ARL15: variants seen among roughly 807,000 people sequenced by gnomAD.
ARL15 encodes ARF like GTPase 15.
ARL15 carries 19 observed loss-of-function variants against 25.2 expected under a neutral mutation model. That is an observed-to-expected ratio of 0.75 (90% CI 0.53 to 1.10). The LOEUF is 1.10. ARL15 is among the 50% of genes least tolerant of loss of function. The pLI, the probability that ARL15 is intolerant of heterozygous loss-of-function variation, is 0.00. For synonymous variants in ARL15, 94 were observed against 86.8 expected (o/e 1.08, Z -0.46); for missense variants, 220 against 246.0 (o/e 0.89, Z 0.71).
In ARL15 at chr5:54,287,758, A is replaced by G. The variant is rs537566090; in HGVS notation, c.48+22674T>C. The stretch of plus-strand genomic sequence containing the variant: ...CAGGGACTTAGCATGGTCACATCAT[A>G]GAGTCTGTTTTGCCTCCCCACCCTT... On this transcript the variant is annotated intron_variant, in intron 1 of 4. Transcript: ENST00000504924. 2.0e-5 allele frequency among the ~76,000 whole-genome samples: 3 copies of G among 152,300 alleles called. No individual in the cohort carries two copies. The South Asian group carries it at 6.2e-4, about 32-fold the overall frequency.
chr5:54,130,178 C>G (rs560079594), intron 3 of ARL15, among the ~76,000 whole-genome samples: 72 of 152,260 alleles, frequency 4.7e-4, no homozygotes, highest in African/African-American at 1.5e-3. Context: ...ATGGAGGATG[C>G]AGCGAGCCAT....
intron 1 of ARL15, among the ~76,000 whole-genome samples, chr5:54,184,743 A>G (rs1732193819): frequency 6.6e-6 from 1 of 152,106 alleles, no homozygotes; most frequent in South Asian, 2.1e-4. Flanking sequence ...TCAGTCCCAT[A>G]TATTCTACTA....
At chr5:53,914,543 T>C (rs930360323) in intron 4 of ARL15, among the ~76,000 whole-genome samples, 5 of 152,130 alleles carry the variant, frequency 3.3e-5, no homozygotes, top group African/African-American at 9.6e-5. Context: ...TACATAAATA[T>C]TCGTCCATTC....
At chr5:53,930,766 A>G (rs1230228888) in intron 4 of ARL15, among the ~76,000 whole-genome samples, 1 of 152,144 alleles carries the variant, frequency 6.6e-6, no homozygotes, top group Non-Finnish European at 1.5e-5. Flanking sequence ...TGTTAATTCA[A>G]GTGGTTTCCC....
intron 4 of ARL15, among the ~76,000 whole-genome samples, chr5:53,895,309 A>C (rs1744836285): frequency 6.6e-6 from 1 of 152,128 alleles, no homozygotes; most frequent in African/African-American, 2.4e-5. Flanking sequence ...TCCAGTTACG[A>C]CTTCGGATGC....
At chr5:54,019,191 A>G (rs2111828576) in intron 4 of ARL15, among the ~76,000 whole-genome samples, 1 of 151,940 alleles carries the variant, frequency 6.6e-6, no homozygotes, top group South Asian at 2.1e-4. Context: ...TTATGTTCCT[A>G]ACCCAGTTGA....
At chr5:54,297,350 C>T (rs1246682890) in intron 1 of ARL15, among the ~76,000 whole-genome samples, 1 of 152,238 alleles carries the variant, frequency 6.6e-6, no homozygotes, top group African/African-American at 2.4e-5. Context: ...AGTCCAGAAG[C>T]TAATGAAGAT....
At chr5:54,112,121 CT>C (rs1051930085) in intron 4 of ARL15, among the ~76,000 whole-genome samples, 1 of 151,836 alleles carries the variant, frequency 6.6e-6, no homozygotes, top group African/African-American at 2.4e-5. Context: ...CCTTGCCTTT[CT>C]TTTTTTTAAA....
At chr5:54,072,975 T>C (rs977909956) in intron 4 of ARL15, among the ~76,000 whole-genome samples, 15 of 152,226 alleles carry the variant, frequency 9.9e-5, no homozygotes, top group Admixed American at 3.3e-4. Context: ...GTCAATGTCT[T>C]TTCTAGACAC....
intron 1 of ARL15, among the ~76,000 whole-genome samples, chr5:54,274,629 C>T (rs116709689): frequency 0.012 from 1,877 of 152,196 alleles, 45 homozygotes; most frequent in African/African-American, 0.043. Flanking sequence ...TCAGGCTCGG[C>T]GGCTCATGCC....
In ARL15 at chr5:53,948,258, T is replaced by TA. The variant is rs1175050858; in HGVS notation, c.463-61546_463-61545insT. Among the ~76,000 whole-genome samples, 681 of 152,346 alleles carry TA rather than the reference T, an allele frequency of 4.5e-3. 7 individuals carry two copies. The highest frequency in any genetic ancestry group is 0.016 in the African/African-American group (653 of 41,580). On this transcript the variant is annotated intron_variant, in intron 4 of 4. Transcript: ENST00000504924. ...GTGTCCAAAATAAAGTTGGAACTAC[T>TA]GTAGTAGGTTCCTTAACAAATATTA...
At chr5:53,897,455 T>C (rs1025419713) in intron 4 of ARL15, among the ~76,000 whole-genome samples, 6 of 152,362 alleles carry the variant, frequency 3.9e-5, no homozygotes, top group African/African-American at 1.4e-4. Flanking sequence ...AATATTCCAC[T>C]GTGTGGATAT....
At chr5:54,145,460 T>C (rs145405262) in intron 3 of ARL15, among the ~76,000 whole-genome samples, 251 of 152,366 alleles carry the variant, frequency 1.6e-3, no homozygotes, top group East Asian at 6.6e-3. Flanking sequence ...AAGTGATAAA[T>C]AGCTATAAGC....
intron 4 of ARL15, among the ~76,000 whole-genome samples, chr5:54,077,764 T>C (rs1579773314): frequency 6.6e-6 from 1 of 152,296 alleles, no homozygotes; most frequent in East Asian, 1.9e-4. Context: ...AGGTAAGCTG[T>C]CTGTCATTTG....
At chr5:54,012,971 C>T (rs1401237815) in intron 4 of ARL15, among the ~76,000 whole-genome samples, 3 of 150,670 alleles carry the variant, frequency 2.0e-5, no homozygotes, top group African/African-American at 2.4e-5. Context: ...GGCTAATTTT[C>T]GAATTTTTAG....
At chr5:54,300,244 G>C (rs1758581790) in intron 1 of ARL15, among the ~76,000 whole-genome samples, 1 of 152,196 alleles carries the variant, frequency 6.6e-6, no homozygotes, top group Admixed American at 6.5e-5. Context: ...GGGTAGAAAA[G>C]ACCAGGCAGT....
intron 1 of ARL15, among the ~76,000 whole-genome samples, chr5:54,294,892 GA>G (rs1344710108): frequency 1.3e-5 from 2 of 152,158 alleles, no homozygotes; most frequent in African/African-American, 4.8e-5. Flanking sequence ...TGGATTTGGG[GA>G]AATAGAAAAG....
intron 4 of ARL15, among the ~76,000 whole-genome samples, chr5:54,093,894 T>A (rs1182354508): frequency 3.3e-5 from 5 of 152,140 alleles, no homozygotes; most frequent in African/African-American, 1.2e-4. Context: ...AAAAACAGAT[T>A]CTCTTAAATA....
chr5:54,156,512 C>T (rs1754237819), intron 2 of ARL15, among the ~76,000 whole-genome samples: 1 of 152,200 alleles, frequency 6.6e-6, no homozygotes. Flanking sequence ...ATTAGGTATA[C>T]ATATTTTCTG....
Sources: gnomAD v4.1 joint callset for allele counts (sites outside exome capture counted in the v4.1 genomes callset) on GRCh38, gnomAD v4.1.1 for gene constraint, MANE v1.5 for transcripts, NCBI Gene and HGNC (gene_info 2026-07-23, HGNC 2026-07-21) for gene names.